The following ANTXR1 variants were observed in gnomAD, a reference collection of about 807,000 sequenced individuals.
ANTXR1 encodes the protein anthrax toxin receptor 1.
A neutral mutation model predicts 78.1 loss-of-function variants in ANTXR1; 19 were observed. The ratio of observed to expected loss-of-function variants is 0.24; its 90% CI spans 0.17 to 0.36. The LOEUF (loss-of-function observed/expected upper bound fraction) is 0.36. Among genes scored for constraint, ANTXR1 ranks in the 10% least tolerant of loss-of-function variants. ANTXR1 has a pLI of 1.00. For missense variants in ANTXR1, 518 were observed against 718.6 expected, an observed-to-expected ratio of 0.72 and a Z score of 3.19; for synonymous variants, 273 against 260.5, an observed-to-expected ratio of 1.05 and a Z score of -0.46.
intron 17 of ANTXR1, among the ~76,000 whole-genome samples, chr2:69,208,478 T>C (rs1674959249): frequency 6.6e-6 from 1 of 152,192 alleles, no homozygotes; most frequent in South Asian, 2.1e-4. Context: ...AAAAAAAGAA[T>C]AGGAAATATT....
chr2:69,195,386 C>G (rs1335216561), intron 17 of ANTXR1, among the ~76,000 whole-genome samples: 1 of 152,116 alleles, frequency 6.6e-6, no homozygotes, highest in Non-Finnish European at 1.5e-5. Flanking sequence ...CTGCTACCCC[C>G]TCCCCTTGCA....
At chr2:69,219,553 T>G (rs192306247) in intron 17 of ANTXR1, among the ~76,000 whole-genome samples, 133 of 152,332 alleles carry the variant, frequency 8.7e-4, no homozygotes, top group African/African-American at 3.2e-3. Context: ...TATTTCTTAC[T>G]GAGTTGTATT....
At position 69,151,228 on chromosome 2, in the gene ANTXR1, G is replaced by A. The variant is rs185786228; in HGVS notation, c.952-941G>A. On this transcript the variant is annotated intron_variant, in intron 12 of 17. Transcript: ENST00000303714. ...TTTTTTTGAGACGGAGTCTCGCTCTGTCGCCCAGGCTGGAGTGCAGTGGTG... is the reference window on the plus strand; with the variant it reads ...TTTTTTTGAGACGGAGTCTCGCTCTATCGCCCAGGCTGGAGTGCAGTGGTG... Among the ~76,000 whole-genome samples the A allele has an allele frequency of 3.6e-5, 4 of 111,838 alleles. No individual in the cohort carries two copies. The Admixed American group carries it at 4.2e-4, about 12-fold the overall frequency. The allele number at this position is 111,838 out of a possible 152,430, so 73.4% of individuals were successfully genotyped here. A position where few individuals can be genotyped will look rare whatever the true frequency, so the allele number is the denominator to read the frequency against.
chr2:69,034,182 A>G lies in ANTXR1; in HGVS notation c.153-5862A>G, dbSNP rs79180826. Among the ~76,000 whole-genome samples, 2,398 of 152,280 alleles carry G rather than the reference A, an allele frequency of 0.016. 94 individuals are homozygous for G. In the East Asian group the frequency reaches 0.17, roughly 11 times the overall value. ...CCAAACACAAGAGAGAGCATAGTAA[A>G]ACAAAAATAAGAAAGACACTCTGGA... On this transcript the variant is annotated intron_variant, in intron 1 of 17. Transcript: ENST00000303714.
At chr2:69,167,047 G>A (rs997760531) in intron 13 of ANTXR1, among the ~76,000 whole-genome samples, 7 of 152,196 alleles carry the variant, frequency 4.6e-5, no homozygotes, top group Middle Eastern at 3.2e-3. Context: ...TGGACTGAGC[G>A]TGGAGGAGGT....
intron 2 of ANTXR1, among the ~76,000 whole-genome samples, chr2:69,044,096 A>G (rs569651701): frequency 6.6e-6 from 1 of 152,298 alleles, no homozygotes; most frequent in Non-Finnish European, 1.5e-5. Flanking sequence ...TGACTCTTAC[A>G]TTGAGAATGC....
chr2:69,164,442 C>G (rs1303116261), intron 13 of ANTXR1, among the ~76,000 whole-genome samples: 1 of 152,222 alleles, frequency 6.6e-6, no homozygotes. Flanking sequence ...CTTTATCCCT[C>G]CCTTTTCAGG....
chr2:69,208,794 G>A (rs1435691164), intron 17 of ANTXR1, among the ~76,000 whole-genome samples: 1 of 152,196 alleles, frequency 6.6e-6, no homozygotes, highest in African/African-American at 2.4e-5. Flanking sequence ...TGCCCTTTCT[G>A]GTTTTCTATT....
Position 69,245,417 on chromosome 2 carries a change from C to A in ANTXR1, c.1627C>A (p.Pro543Thr), listed in dbSNP as rs1341157432. 2 of 1,594,162 alleles carry A rather than the reference C, an allele frequency of 1.3e-6. No homozygotes were observed. The highest frequency in any genetic ancestry group is 2.3e-5 in the East Asian group (1 of 44,368). The change falls in exon 18 of 18, where the codon CCT becomes ACT. Residue 543 changes from proline (P) to threonine (T), a missense_variant. Transcript: ENST00000303714. ...IPSPPSTLPPPPQAPPPNRAP... is the reference protein window; with the variant it reads ...IPSPPSTLPPTPQAPPPNRAP... ...GTCCCCACCTTCCACCCTTCCCCCTCCTCCCCAGGCTCCACCTCCCAACAG... is the reference window on the plus strand; with the variant it reads ...GTCCCCACCTTCCACCCTTCCCCCTACTCCCCAGGCTCCACCTCCCAACAG...
chr2:69,151,251 G>A (rs1292181381), intron 12 of ANTXR1, among the ~76,000 whole-genome samples: 1 of 145,258 alleles, frequency 6.9e-6, no homozygotes, highest in Non-Finnish European at 1.5e-5. Context: ...GAGTGCAGTG[G>A]TGATTATTTT....
rs1383757866 is a variant in ANTXR1, at chr2:69,245,208, C to T, written c.1435-17C>T. 1 of 1,613,962 alleles carries T rather than the reference C, an allele frequency of 6.2e-7. No individual in the cohort carries two copies. The highest frequency in any genetic ancestry group is 8.5e-7 in the Non-Finnish European group (1 of 1,180,032). On this transcript the variant is annotated splice_polypyrimidine_tract_variant and intron_variant, in intron 17 of 17. Transcript: ENST00000303714. ...AGGCCGTCCGCTCACGTTTCCTTCT[C>T]TCCAATTCTTTTCTAGGGGCGCTGC...
At chr2:69,216,288 T>C (rs1054395797) in intron 17 of ANTXR1, among the ~76,000 whole-genome samples, 10 of 152,136 alleles carry the variant, frequency 6.6e-5, no homozygotes, top group African/African-American at 4.8e-5. Context: ...AAAGCCAATA[T>C]GAAAAACAGG....
intron 13 of ANTXR1, 116 bp from the exon 14 acceptor site, chr2:69,170,131 TG>T (rs1176952916): frequency 1.8e-6 from 2 of 1,113,014 alleles, no homozygotes; most frequent in Non-Finnish European, 2.7e-6. Context: ...CCCGACTTGC[TG>T]GGGCCATTGC....
intron 12 of ANTXR1, among the ~76,000 whole-genome samples, chr2:69,135,808 T>C (rs1054441344): frequency 1.3e-5 from 2 of 152,090 alleles, no homozygotes; most frequent in Admixed American, 6.6e-5. Flanking sequence ...ATTCTCTCAG[T>C]AATTAATAGA....
chr2:69,089,119 A>G (rs1015387684), intron 8 of ANTXR1, among the ~76,000 whole-genome samples: 2 of 152,232 alleles, frequency 1.3e-5, no homozygotes, highest in South Asian at 2.1e-4. Flanking sequence ...GGATGCTGCA[A>G]ACAAATAGGG....
At chr2:69,063,877 G>T (rs73934662) in intron 3 of ANTXR1, among the ~76,000 whole-genome samples, 9,889 of 151,702 alleles carry the variant, frequency 0.065, 641 homozygotes, top group East Asian at 0.24. Context: ...ATTATAATTC[G>T]CAGAGCAACT....
intron 16 of ANTXR1, among the ~76,000 whole-genome samples, chr2:69,185,640 C>A (rs1674397798): frequency 6.6e-6 from 1 of 152,116 alleles, no homozygotes; most frequent in African/African-American, 2.4e-5. Context: ...ACTGTGGTGC[C>A]TGGATTGTTA....
At chr2:69,178,126 T>C (rs1674180237) in intron 14 of ANTXR1, among the ~76,000 whole-genome samples, 1 of 152,160 alleles carries the variant, frequency 6.6e-6, no homozygotes, top group Non-Finnish European at 1.5e-5. Flanking sequence ...GATGTAAAAA[T>C]CCACCCTCCA....
chr2:69,178,429 G>C (rs1453559845), intron 14 of ANTXR1, among the ~76,000 whole-genome samples: 1 of 152,230 alleles, frequency 6.6e-6, no homozygotes, highest in Non-Finnish European at 1.5e-5. Flanking sequence ...TGTGGAGATT[G>C]CCCAAGCCCT....
Sources: gnomAD v4.1 joint callset for allele counts (sites outside exome capture counted in the v4.1 genomes callset) on GRCh38, gnomAD v4.1.1 for gene constraint, MANE v1.5 for transcripts, NCBI Gene and HGNC (gene_info 2026-07-23, HGNC 2026-07-21) for gene names.